ROCK2: variants seen among roughly 807,000 people sequenced by gnomAD.
ROCK2 encodes rho-associated protein kinase 2.
Under a neutral mutation model 195.1 loss-of-function variants are expected in ROCK2, and 61 were observed. The observed-to-expected ratio is 0.31, with a 90% CI of 0.25 to 0.39. The LOEUF (loss-of-function observed/expected upper bound fraction) is 0.39. ROCK2 is among the 10% of genes least tolerant of loss of function. The pLI, the probability that ROCK2 is intolerant of heterozygous loss-of-function variation, is 1.00. For missense variants in ROCK2, 1,109 were observed against 1,637.4 expected, an observed-to-expected ratio of 0.68 and a Z score of 5.57; for synonymous variants, 504 against 545.5, an observed-to-expected ratio of 0.92 and a Z score of 1.06.
intron 3 of ROCK2, among the ~76,000 whole-genome samples, chr2:11,270,468 TG>T (rs1318957947): frequency 2.6e-5 from 4 of 152,314 alleles, no homozygotes; most frequent in Non-Finnish European, 5.9e-5. Context: ...TTCTTCTTCT[TG>T]TATTCCCATT....
intron 3 of ROCK2, among the ~76,000 whole-genome samples, chr2:11,285,916 T>C (rs1372169416): frequency 2.6e-5 from 4 of 151,976 alleles, no homozygotes; most frequent in Admixed American, 2.6e-4. Context: ...ACAAAATCCA[T>C]GCTGGCTTAT....
chr2:11,205,478 A>AT (rs1399213021), intron 20 of ROCK2, among the ~76,000 whole-genome samples: 2 of 151,936 alleles, frequency 1.3e-5, no homozygotes, highest in East Asian at 3.9e-4. Flanking sequence ...GGGTTTATAT[A>AT]TTTTTTAATT....
chr2:11,330,748 G>GAA (rs1668697863), intron 1 of ROCK2, among the ~76,000 whole-genome samples: 1 of 69,468 alleles, frequency 1.4e-5, no homozygotes. Flanking sequence ...GAGGGAGGAG[G>GAA]GAGGAGGAGG....
intron 1 of ROCK2, among the ~76,000 whole-genome samples, chr2:11,317,627 T>TTTTTTA (rs1192587957): frequency 0.029 from 887 of 31,102 alleles, 118 homozygotes; most frequent in Middle Eastern, 0.083. Context: ...TTTTTTTTTT[T>TTTTTTA]AATTATACTT....
chr2:11,232,599 T>C (rs1055164684), intron 5 of ROCK2, among the ~76,000 whole-genome samples: 1 of 152,246 alleles, frequency 6.6e-6, no homozygotes, highest in African/African-American at 2.4e-5. Context: ...TTCTTAAACA[T>C]TGTATAATTA....
At chr2:11,251,806 C>T (rs1430274603) in intron 3 of ROCK2, among the ~76,000 whole-genome samples, 2 of 150,496 alleles carry the variant, frequency 1.3e-5, no homozygotes, top group Non-Finnish European at 3.0e-5. Context: ...GGAACTTAAA[C>T]AAATTTACAA....
chr2:11,334,510 CAAAAAAA>C (rs34182610), intron 1 of ROCK2, among the ~76,000 whole-genome samples: 2 of 89,672 alleles, frequency 2.2e-5, no homozygotes, highest in Non-Finnish European at 2.1e-5. Context: ...GACTCTGTCT[CAAAAAAA>C]AAAAAAAAAA....
chr2:11,193,945 CACTG>C, intron 29 of ROCK2, 88 bp from the exon 30 acceptor site: 1 of 672,018 alleles, frequency 1.5e-6, no homozygotes, highest in East Asian at 2.9e-5. Context: ...AGACGTTAAA[CACTG>C]ACTACTTTGA....
intron 3 of ROCK2, among the ~76,000 whole-genome samples, chr2:11,265,151 G>C (rs1562749): frequency 0.89 from 135,103 of 152,162 alleles, 60,146 homozygotes; most frequent in East Asian, 0.99. Flanking sequence ...TAAAAGTCTG[G>C]CTGGCATGTT....
chr2:11,212,153 G>A (rs1307238245), intron 17 of ROCK2, among the ~76,000 whole-genome samples: 2 of 152,104 alleles, frequency 1.3e-5, no homozygotes, highest in Admixed American at 6.6e-5. Flanking sequence ...CTGGGCTCAA[G>A]TGATCCTCCC....
chr2:11,318,579 T>C (rs1055186325), intron 1 of ROCK2, among the ~76,000 whole-genome samples: 6 of 152,230 alleles, frequency 3.9e-5, no homozygotes, highest in African/African-American at 1.4e-4. Flanking sequence ...GTAGTTTCTT[T>C]TGCTGTGCAG....
chr2:11,207,640 G>T, intron 20 of ROCK2, 86 bp downstream of exon 20: 2 of 1,020,288 alleles, frequency 2.0e-6, no homozygotes, highest in Non-Finnish European at 2.8e-6. Context: ...AAAGTAAAAT[G>T]CTCAAAAGAA....
intron 1 of ROCK2, among the ~76,000 whole-genome samples, chr2:11,335,558 TC>T (rs1668903993): frequency 6.6e-6 from 1 of 152,240 alleles, no homozygotes; most frequent in African/African-American, 2.4e-5. Flanking sequence ...TATAGTATTT[TC>T]ATGAAGAAAT....
intron 17 of ROCK2, among the ~76,000 whole-genome samples, chr2:11,213,196 C>G (rs1171588615): frequency 6.6e-6 from 1 of 152,116 alleles, no homozygotes; most frequent in African/African-American, 2.4e-5. Flanking sequence ...GTCTACTGAC[C>G]AGTCTCTCTA....
In ROCK2 at chr2:11,185,761, A is replaced by G. The variant is rs1047133388; in HGVS notation, c.4164-2321T>C. 1.3e-4 allele frequency among the ~76,000 whole-genome samples: 16 copies of G among 127,962 alleles called. 1 individual carries two copies. Among genetic ancestry groups the G allele is most frequent in the African/African-American group, 4.0e-4 (16 of 40,038 alleles). The allele number at this position is 127,962 out of a possible 152,430, so 83.9% of individuals were successfully genotyped here. On this transcript the variant is annotated intron_variant, in intron 32 of 32. Transcript: ENST00000315872. ...TTAATAAATAAATAAAAATAAAAAT[A>G]AATAAATAATAAAAAAAAGCAGTAA...
intron 1 of ROCK2, among the ~76,000 whole-genome samples, chr2:11,317,722 C>T (rs1378253282): frequency 6.7e-6 from 1 of 148,946 alleles, no homozygotes; most frequent in Non-Finnish European, 1.5e-5. Flanking sequence ...CCCATTAACT[C>T]GTCATTTACA....
At chr2:11,322,844 C>G (rs1317470312) in intron 1 of ROCK2, among the ~76,000 whole-genome samples, 2 of 152,112 alleles carry the variant, frequency 1.3e-5, no homozygotes, top group Non-Finnish European at 2.9e-5. Flanking sequence ...CATTTCCTCC[C>G]TAGCTTGGTC....
At chr2:11,246,418 G>A (rs1000923314) in intron 4 of ROCK2, among the ~76,000 whole-genome samples, 12 of 151,958 alleles carry the variant, frequency 7.9e-5, no homozygotes, top group African/African-American at 2.9e-4. Context: ...CTAAACTAAG[G>A]TGTTTAGGGG....
rs762151565 is a variant in ROCK2 at position 11,235,720 on chromosome 2, C to T, written c.705G>A (p.Thr235=). 1.1e-5 allele frequency: 18 copies of T among 1,611,604 alleles called. No homozygotes were observed. The highest frequency in any genetic ancestry group is 8.0e-5 in the African/African-American group (6 of 74,814). Residue 235 remains threonine (T), a synonymous_variant, in exon 5 of 33, where the codon ACG becomes ACA. Coordinates refer to ENST00000315872, the MANE Select transcript of ROCK2 (RefSeq NM_004850.5). This position sits in a 1 kb window ranked among gnomAD's most constrained non-coding sequence, Gnocchi z 4.2. The part of the protein sequence containing the change: ...HGHLKLADFG[T]CMKMDETGMV... ...TACTTACTTCATCCATCTTCATACACGTGCCAAAATCTGCTAATTTTAGAT... is the reference window on the plus strand; with the variant it reads ...TACTTACTTCATCCATCTTCATACATGTGCCAAAATCTGCTAATTTTAGAT...
Sources: allele counts gnomAD v4.1 joint callset (sites outside exome capture counted in the v4.1 genomes callset), GRCh38; gene constraint gnomAD v4.1.1; non-coding constraint Gnocchi (gnomAD v3.1); transcripts MANE v1.5; gene names NCBI Gene and HGNC (gene_info 2026-07-23, HGNC 2026-07-21).